Variants in LDLRAD4 observed in about 807,000 individuals in gnomAD.
The protein encoded by LDLRAD4 is low density lipoprotein receptor class A domain containing 4, also known as low-density lipoprotein receptor class A domain-containing protein 4.
In LDLRAD4, 5 loss-of-function variants were observed where a neutral mutation model predicts 17.0. The observed-to-expected ratio is 0.29, with a 90% confidence interval of 0.15 to 0.62. The LOEUF (loss-of-function observed/expected upper bound fraction) is 0.62. Ranked by LOEUF, LDLRAD4 falls within the 20% of genes least tolerant of loss-of-function variation. The pLI is 0.84. For synonymous variants in LDLRAD4, 168 were observed against 171.8 expected (o/e 0.98, Z 0.17); for missense variants, 340 against 424.7 (o/e 0.80, Z 1.75).
At chr18:13,590,544 C>T (rs12457130) in intron 3 of LDLRAD4, among the ~76,000 whole-genome samples, 4,031 of 152,336 alleles carry the variant, frequency 0.026, 101 homozygotes, top group African/African-American at 0.068. Flanking sequence ...GCAACCCCTC[C>T]TCTGTCCAAC....
chr18:13,337,740 T>TAAAAAAAA (rs5823248), intron 1 of LDLRAD4, among the ~76,000 whole-genome samples: 1 of 135,734 alleles, frequency 7.4e-6, no homozygotes, highest in Admixed American at 7.1e-5. Context: ...TTACAAAAAG[T>TAAAAAAAA]AAAAAAAAAA....
chr18:13,574,722 A>G (rs2094743761), intron 3 of LDLRAD4, among the ~76,000 whole-genome samples: 1 of 152,146 alleles, frequency 6.6e-6, no homozygotes, highest in African/African-American at 2.4e-5. Context: ...CCCACTGTGG[A>G]GGGTATTTTC....
intron 1 of LDLRAD4, among the ~76,000 whole-genome samples, chr18:13,363,903 G>C (rs576723214): frequency 1.8e-4 from 27 of 152,256 alleles, no homozygotes; most frequent in African/African-American, 6.3e-4. Flanking sequence ...TGCTTGTCAG[G>C]TTCAAAAGTC....
chr18:13,428,488 T>A lies in LDLRAD4; in HGVS notation c.41-9756T>A, dbSNP rs1346900855. Reference sequence around the variant, plus strand: ...GTCATGTCAAGTTCATTATGAGGACTTGGGTTTTCACTCTGAGTAAAATGA... The same window carrying A: ...GTCATGTCAAGTTCATTATGAGGACATGGGTTTTCACTCTGAGTAAAATGA... On this transcript the variant is annotated intron_variant, in intron 2 of 5. Transcript: ENST00000359446. 2.0e-5 allele frequency among the ~76,000 whole-genome samples: 3 copies of A among 152,166 alleles called. No homozygotes were observed. The East Asian group carries it at 5.8e-4, about 29-fold the overall frequency.
At position 13,595,541 on chromosome 18, in the gene LDLRAD4, G is replaced by A. The variant is rs75364828; in HGVS notation, c.182-25576G>A. Among the ~76,000 whole-genome samples, 220 of 152,082 alleles carry A rather than the reference G, an allele frequency of 1.4e-3. 5 individuals are homozygous for A. In the East Asian group the frequency reaches 0.023, roughly 16 times the overall value. ...TGTTTTGTTTTGTTTTTGAGATGAG[G>A]TCTCACTATATTGCCCAGACTGGTC... On this transcript the variant is annotated intron_variant, in intron 3 of 5. Coordinates refer to ENST00000359446, the Ensembl canonical transcript of LDLRAD4.
At chr18:13,305,722 C>G (rs1186631863) in intron 1 of LDLRAD4, among the ~76,000 whole-genome samples, 1 of 152,154 alleles carries the variant, frequency 6.6e-6, no homozygotes, top group East Asian at 1.9e-4. Flanking sequence ...ATAAATGAAA[C>G]CAGCATAAGA....
In LDLRAD4 at chr18:13,365,531, C is replaced by A. The variant is rs927277746; in HGVS notation, c.-382-21810C>A. 1.8e-4 allele frequency among the ~76,000 whole-genome samples: 28 copies of A among 152,200 alleles called. 1 individual carries two copies. The highest frequency in any genetic ancestry group is 3.7e-4 in the Non-Finnish European group (25 of 68,028). ...ATGGATAGTGTCACTTAGAAGACAG[C>A]CTGTGCATGTGAATCCCCTCCATGA... On this transcript the variant is annotated intron_variant, in intron 1 of 5. Coordinates refer to ENST00000359446, the Ensembl canonical transcript of LDLRAD4.
At chr18:13,342,842 T>C (rs1295082450) in intron 1 of LDLRAD4, among the ~76,000 whole-genome samples, 1 of 152,072 alleles carries the variant, frequency 6.6e-6, no homozygotes, top group South Asian at 2.1e-4. Flanking sequence ...AATCTGTTTA[T>C]ATTTAATATA....
chr18:13,642,472 A>G (rs2042661045), intron 4 of LDLRAD4: 13 of 1,205,868 alleles, frequency 1.1e-5, no homozygotes, highest in Non-Finnish European at 1.3e-5. Context: ...CACCTTGTCA[A>G]TCTGGCCAAA....
At chr18:13,601,531 G>A (rs1279147445) in intron 3 of LDLRAD4, among the ~76,000 whole-genome samples, 3 of 151,986 alleles carry the variant, frequency 2.0e-5, no homozygotes, top group South Asian at 4.2e-4. Context: ...GCGGGCGCCT[G>A]TAGTCCCAGC....
intron 1 of LDLRAD4, among the ~76,000 whole-genome samples, chr18:13,375,967 T>C (rs915063105): frequency 7.2e-5 from 11 of 152,312 alleles, no homozygotes; most frequent in East Asian, 1.9e-4. Context: ...TTGGGGATAT[T>C]TGGGGAGCAG....
intron 1 of LDLRAD4, among the ~76,000 whole-genome samples, chr18:13,326,767 C>T (rs2081560811): frequency 1.3e-5 from 2 of 151,682 alleles, no homozygotes; most frequent in Non-Finnish European, 2.9e-5. Flanking sequence ...ATTTGGGGGT[C>T]CCGAGCTTTT....
intron 1 of LDLRAD4, among the ~76,000 whole-genome samples, chr18:13,296,996 T>C (rs137901166): frequency 6.6e-6 from 1 of 152,244 alleles, no homozygotes; most frequent in Non-Finnish European, 1.5e-5. Flanking sequence ...TTTGTCTGTG[T>C]AGCGAGGGGA....
At chr18:13,273,044 A>G (rs2044655148) in intron 1 of LDLRAD4, among the ~76,000 whole-genome samples, 1 of 152,230 alleles carries the variant, frequency 6.6e-6, no homozygotes, top group Admixed American at 6.5e-5. Context: ...TTACAGGTTG[A>G]ATGCATGAAT....
upstream of LDLRAD4, among the ~76,000 whole-genome samples, chr18:13,277,833 C>T (rs568078619): frequency 2.6e-5 from 4 of 152,284 alleles, no homozygotes; most frequent in Admixed American, 6.5e-5. Context: ...CAGGAACAAG[C>T]GTGTGTCCTT....
chr18:13,468,882 G>A (rs940974631), intron 3 of LDLRAD4, among the ~76,000 whole-genome samples: 1 of 151,306 alleles, frequency 6.6e-6, no homozygotes, highest in African/African-American at 2.4e-5. Context: ...GATAGCATTA[G>A]GAGATATACC....
At chr18:13,371,791 G>T (rs770220987) in intron 1 of LDLRAD4, among the ~76,000 whole-genome samples, 4 of 152,036 alleles carry the variant, frequency 2.6e-5, no homozygotes, top group Non-Finnish European at 5.9e-5. Context: ...GAAAGAGAGA[G>T]AGAAAGAGAA....
rs533107650 is a variant in LDLRAD4, at chr18:13,434,492, A to G, written c.41-3752A>G. On this transcript the variant is annotated intron_variant, in intron 2 of 5. Coordinates refer to ENST00000359446, the Ensembl canonical transcript of LDLRAD4. Reference sequence around the variant, plus strand: ...CACCAAAATGTTTCTAATGTTTAACAATCCATGATTTCCCTCAACTTCTAG... The same window carrying G: ...CACCAAAATGTTTCTAATGTTTAACGATCCATGATTTCCCTCAACTTCTAG... Among the ~76,000 whole-genome samples the G allele has an allele frequency of 4.9e-4, 75 of 152,348 alleles. 1 individual carries two copies. In the South Asian group the frequency reaches 0.015, roughly 30 times the overall value.
intron 1 of LDLRAD4, among the ~76,000 whole-genome samples, chr18:13,327,675 A>G (rs2081606988): frequency 6.6e-6 from 1 of 152,178 alleles, no homozygotes; most frequent in Admixed American, 6.5e-5. Flanking sequence ...ATAGAGGGAC[A>G]TGGGCTCACT....
Sources: allele counts gnomAD v4.1 joint callset (sites outside exome capture counted in the v4.1 genomes callset), GRCh38; gene constraint gnomAD v4.1.1; transcripts MANE v1.5; gene names NCBI Gene and HGNC (gene_info 2026-07-23, HGNC 2026-07-21).